The following TMEM51 variants were observed in gnomAD, a reference collection of about 807,000 sequenced individuals.
The protein encoded by TMEM51 is chromosome 1 open reading frame 72.
TMEM51 carries 8 observed loss-of-function variants against 13.6 expected under a neutral mutation model. The observed-to-expected ratio is 0.59, with a 90% confidence interval of 0.35 to 1.07. TMEM51 has a LOEUF of 1.07. Ranked by LOEUF, TMEM51 falls within the 50% of genes least tolerant of loss-of-function variation. The pLI is 0.02. For missense variants in TMEM51, 279 were observed against 330.7 expected (o/e 0.84, Z 1.21); for synonymous variants, 147 against 144.4 (o/e 1.02, Z -0.13).
chr1:15,216,383 A>G (rs1039197313), intron 3 of TMEM51, among the ~76,000 whole-genome samples: 5 of 152,248 alleles, frequency 3.3e-5, no homozygotes, highest in African/African-American at 1.2e-4. Context: ...AAGATTATGA[A>G]TATTCCATAG....
intron 3 of TMEM51, 47 bp downstream of exon 3, chr1:15,215,478 G>A (rs369264653): frequency 2.7e-6 from 4 of 1,480,394 alleles, no homozygotes; most frequent in African/African-American, 2.8e-5. Context: ...GGATGGGCAC[G>A]CACGCATGCA....
At position 15,154,107 on chromosome 1, in the gene TMEM51, G is replaced by C. The variant is rs1168972123; in HGVS notation, c.-267+153G>C. On this transcript the variant is annotated intron_variant, in intron 1 of 3. Transcript: ENST00000376008. ...TCCCGCCTGGGGTCGACCACCGGGA[G>C]GACTCCGCACCCCGCACCCTCTGCG... Among the ~76,000 whole-genome samples, 17 of 152,172 alleles carry C rather than the reference G, an allele frequency of 1.1e-4. No individual in the cohort carries two copies. The East Asian group carries it at 3.1e-3, about 28-fold the overall frequency.
chr1:15,198,086 A>G (rs996373558), intron 1 of TMEM51, among the ~76,000 whole-genome samples: 1 of 151,946 alleles, frequency 6.6e-6, no homozygotes, highest in African/African-American at 2.4e-5. Flanking sequence ...GGCTCCTTCT[A>G]TCTTGCTGCT....
intron 1 of TMEM51, among the ~76,000 whole-genome samples, chr1:15,172,481 GAA>G (rs1248065729): frequency 6.0e-5 from 9 of 150,550 alleles, no homozygotes; most frequent in African/African-American, 2.2e-4. Flanking sequence ...GAAGAAAAAA[GAA>G]AGAGAAGAAG....
rs1057327311 is a variant in TMEM51 at position 15,189,165 on chromosome 1, G to A, written c.-266-21325G>A. ...AGGGATTCTCCCACCTCAGCCTCCC[G>A]AGCAACTGGGATTACACGCACCCTT... On this transcript the variant is annotated intron_variant, in intron 1 of 3. Coordinates refer to ENST00000376008, the MANE Select transcript of TMEM51 (RefSeq NM_001136218.2). Among the ~76,000 whole-genome samples the A allele has an allele frequency of 9.4e-5, 14 of 149,700 alleles. No individual in the cohort carries two copies. The South Asian group carries it at 1.9e-3, about 21-fold the overall frequency.
At chr1:15,191,165 T>C (rs2312331) in intron 1 of TMEM51, among the ~76,000 whole-genome samples, 95,201 of 151,372 alleles carry the variant, frequency 0.63, 30,416 homozygotes, top group East Asian at 0.93. Flanking sequence ...AGAAGCTGGA[T>C]GCATATGCTT....
rs149423528 is a variant in TMEM51 at position 15,175,071 on chromosome 1, A to C, written c.-267+21117A>C. ...CTCTCCTGCCCAAATCAAACTCATC[A>C]CAAGTTCTTCTCCATTTGTCAACTT... On this transcript the variant is annotated intron_variant, in intron 1 of 3. Coordinates refer to ENST00000376008, the MANE Select transcript of TMEM51 (RefSeq NM_001136218.2). 2.4e-3 allele frequency among the ~76,000 whole-genome samples: 366 copies of C among 152,234 alleles called. 5 individuals are homozygous for C. The highest frequency in any genetic ancestry group is 2.3e-3 in the Non-Finnish European group (159 of 68,006).
At chr1:15,168,456 T>C in intron 1 of TMEM51, 1 of 1,286,382 alleles carries the variant, frequency 7.8e-7, no homozygotes, top group South Asian at 1.3e-5. Flanking sequence ...CATCTGCAAT[T>C]AGCTGTAACT....
Position 15,214,980 on chromosome 1 carries a change from G to C in TMEM51, c.-108G>C. ...GAGTTCAGCTGATATTTTCTAGTGT[G>C]GGGCGAGAGATTTTGTGGAGCGCAT... On this transcript the variant is annotated 5_prime_UTR_variant, in exon 3 of 4. Coordinates refer to ENST00000376008, the MANE Select transcript of TMEM51 (RefSeq NM_001136218.2). 1 of 1,062,622 alleles carries C rather than the reference G, an allele frequency of 9.4e-7. No homozygotes were observed. The highest frequency in any genetic ancestry group is 1.3e-6 in the Non-Finnish European group (1 of 746,466). 65.8% of individuals were successfully genotyped at this position (1,062,622 alleles called of 1,614,324 possible).
At chr1:15,209,847 A>G (rs952428173) in intron 1 of TMEM51, among the ~76,000 whole-genome samples, 1 of 152,196 alleles carries the variant, frequency 6.6e-6, no homozygotes, top group Non-Finnish European at 1.5e-5. Flanking sequence ...CATGGCCAAC[A>G]TGGTGAAACC....
chr1:15,153,314 A>G (rs192466130), upstream of TMEM51, among the ~76,000 whole-genome samples: 173 of 152,220 alleles, frequency 1.1e-3, no homozygotes, highest in African/African-American at 3.9e-3. Context: ...GTGGGAGGAA[A>G]GCGGGTCTCC....
chr1:15,203,840 CAG>C (rs1557853563), intron 1 of TMEM51, among the ~76,000 whole-genome samples: 1 of 152,150 alleles, frequency 6.6e-6, no homozygotes, highest in African/African-American at 2.4e-5. Context: ...GTACAGATGA[CAG>C]AGCTGAGACT....
In TMEM51 at chr1:15,219,888, C is replaced by T. The variant is rs1348168671; in HGVS notation, c.*145C>T. ...GGATGGCGGCGGGCGGGGGGGGATT[C>T]TCTGTATCAGGAGTGACTTTGTTGC... On this transcript the variant is annotated 3_prime_UTR_variant, in exon 4 of 4. Transcript: ENST00000376008. 5 of 890,462 alleles carry T rather than the reference C, an allele frequency of 5.6e-6. No homozygotes were observed. Among genetic ancestry groups the T allele is most frequent in the Non-Finnish European group, 8.3e-6 (5 of 600,600 alleles). 55.2% of individuals were successfully genotyped at this position (890,462 alleles called of 1,614,324 possible). A position where few individuals can be genotyped will look rare whatever the true frequency, so the allele number is the denominator to read the frequency against.
chr1:15,189,761 T>A (rs556741018), intron 1 of TMEM51, among the ~76,000 whole-genome samples: 2 of 152,326 alleles, frequency 1.3e-5, no homozygotes, highest in Admixed American at 1.3e-4. Context: ...AATGTCCAGC[T>A]CAGTGGCTGG....
At chr1:15,206,885 AG>A in intron 1 of TMEM51, among the ~76,000 whole-genome samples, 1 of 152,172 alleles carries the variant, frequency 6.6e-6, no homozygotes, top group Non-Finnish European at 1.5e-5. Flanking sequence ...ACAGTCTAAA[AG>A]ATCCCTGGTG....
At chr1:15,181,746 C>T (rs368760269) in intron 1 of TMEM51, among the ~76,000 whole-genome samples, 1 of 152,214 alleles carries the variant, frequency 6.6e-6, no homozygotes, top group East Asian at 1.9e-4. Context: ...GGAACCACAG[C>T]ATGGGTTTCT....
intron 1 of TMEM51, among the ~76,000 whole-genome samples, chr1:15,175,661 A>C (rs1643436340): frequency 6.6e-6 from 1 of 152,234 alleles, no homozygotes; most frequent in East Asian, 1.9e-4. Flanking sequence ...CAGAAGGTGA[A>C]TGAGGAGCAA....
At chr1:15,190,738 A>T (rs371412245) in intron 1 of TMEM51, among the ~76,000 whole-genome samples, 1 of 152,162 alleles carries the variant, frequency 6.6e-6, no homozygotes, top group African/African-American at 2.4e-5. Flanking sequence ...AGCATGATGT[A>T]GTCCCAAGAG....
At chr1:15,172,432 G>A (rs1643313116) in intron 1 of TMEM51, among the ~76,000 whole-genome samples, 1 of 144,744 alleles carries the variant, frequency 6.9e-6, no homozygotes. Flanking sequence ...AGGGAGGGAG[G>A]AAAGAAAAGA....
Sources: gnomAD v4.1 joint callset for allele counts (sites outside exome capture counted in the v4.1 genomes callset) on GRCh38, gnomAD v4.1.1 for gene constraint, MANE v1.5 for transcripts, NCBI Gene and HGNC (gene_info 2026-07-23, HGNC 2026-07-21) for gene names.